P4HA1: variants seen among roughly 807,000 people sequenced by gnomAD.
P4HA1 encodes the protein prolyl 4-hydroxylase subunit alpha 1.
In P4HA1, 24 loss-of-function variants were observed where a neutral mutation model predicts 72.8. That is an observed-to-expected ratio of 0.33 (90% CI 0.24 to 0.46). P4HA1 has a LOEUF of 0.46. Ranked by LOEUF, P4HA1 falls within the 20% of genes least tolerant of loss-of-function variation. The pLI is 1.00. For synonymous variants in P4HA1, 201 were observed against 218.8 expected (o/e 0.92, Z 0.72); for missense variants, 446 against 640.6 (o/e 0.70, Z 3.28).
At chr10:73,012,447 G>A (rs1054295140) in intron 12 of P4HA1, among the ~76,000 whole-genome samples, 4 of 152,194 alleles carry the variant, frequency 2.6e-5, no homozygotes, top group Admixed American at 1.3e-4. Flanking sequence ...TTTGTATACC[G>A]TACTAACCCT....
In P4HA1 at chr10:73,072,132, T is replaced by G; in HGVS notation, c.222A>C (p.Pro74=). Residue 74 remains proline, a synonymous_variant, in exon 4 of 15, where the codon CCA becomes CCC. Transcript: ENST00000394890. ...TTACTGGATGCCCAACAAATCCTTC[T>G]GGATCTTTTGTCGCTGTACTAGTTA... ...DRLTSTATKD[P]EGFVGHPVNA... 2 of 1,613,656 alleles carry G rather than the reference T, an allele frequency of 1.2e-6. No homozygotes were observed. Among genetic ancestry groups the G allele is most frequent in the Non-Finnish European group, 8.5e-7 (1 of 1,179,610 alleles).
intron 10 of P4HA1, among the ~76,000 whole-genome samples, chr10:73,027,957 G>A (rs1840330511): frequency 6.6e-6 from 1 of 152,024 alleles, no homozygotes; most frequent in African/African-American, 2.4e-5. Flanking sequence ...GCAGGAATCA[G>A]GACGATACCT....
chr10:73,058,085 G>A (rs1456834198), intron 5 of P4HA1, among the ~76,000 whole-genome samples: 1 of 92,384 alleles, frequency 1.1e-5, no homozygotes, highest in Non-Finnish European at 1.9e-5. Context: ...GCAAGACTCC[G>A]TCCAGAAAAA....
rs1840885714 is a variant in P4HA1 at position 73,047,176 on chromosome 10, G to C, written c.901-75C>G. The C allele has an allele frequency of 3.8e-6, 4 of 1,046,376 alleles. No individual in the cohort carries two copies. The Admixed American group carries it at 6.3e-5, about 16-fold the overall frequency. The allele number at this position is 1,046,376 out of a possible 1,614,324, so 64.8% of individuals were successfully genotyped here. On this transcript the variant is annotated intron_variant, in intron 7 of 14. Coordinates refer to ENST00000394890, the MANE Select transcript of P4HA1 (RefSeq NM_001017962.3). Reference sequence around the variant, plus strand: ...TTAATATCTATTCCTATGCAGATAAGAGACAATAATCATGCTTGCATATAC... The same window carrying C: ...TTAATATCTATTCCTATGCAGATAACAGACAATAATCATGCTTGCATATAC...
chr10:73,083,817 T>C (rs1289119468), intron 1 of P4HA1, among the ~76,000 whole-genome samples: 1 of 152,194 alleles, frequency 6.6e-6, no homozygotes, highest in Non-Finnish European at 1.5e-5. Context: ...TGCCTACATA[T>C]GTAACAGGTT....
chr10:73,066,994 A>C (rs186347303), intron 5 of P4HA1, among the ~76,000 whole-genome samples: 1 of 152,212 alleles, frequency 6.6e-6, no homozygotes, highest in East Asian at 1.9e-4. Context: ...CAGCCTCCCA[A>C]ATAGCTAGGA....
At chr10:73,068,782 T>C in intron 5 of P4HA1, 64 bp downstream of exon 5, 1 of 1,289,846 alleles carries the variant, frequency 7.8e-7, no homozygotes, top group Non-Finnish European at 1.1e-6. Context: ...ACTAACATTG[T>C]GTTAATGGAC....
At chr10:73,060,296 T>C (rs1841283843) in intron 5 of P4HA1, among the ~76,000 whole-genome samples, 1 of 152,238 alleles carries the variant, frequency 6.6e-6, no homozygotes, top group African/African-American at 2.4e-5. Flanking sequence ...CCTGTGGTTT[T>C]CAATTTGAAC....
chr10:73,056,494 T>C (rs1440502279), intron 5 of P4HA1, among the ~76,000 whole-genome samples: 1 of 151,776 alleles, frequency 6.6e-6, no homozygotes, highest in Non-Finnish European at 1.5e-5. Flanking sequence ...CAGCCAGGCA[T>C]GGTGGCGGGT....
In P4HA1 at chr10:73,053,502, T is replaced by C; in HGVS notation, c.552A>G (p.Glu184=). The change falls in exon 6 of 15, where the codon GAA becomes GAG. Residue 184 remains glutamate (E), a synonymous_variant. Coordinates refer to ENST00000394890, the MANE Select transcript of P4HA1 (RefSeq NM_001017962.3). ...GCCTTAGGGCTTGTTCCATCCACAG[T>C]TCCGTATGGTAATAATCTGCTTCTG... ...AYTEADYYHT[E]LWMEQALRQL... is the part of the protein sequence containing the mutation. 6.2e-7 allele frequency: 1 copy of C among 1,614,082 alleles called. No homozygotes were observed. Among genetic ancestry groups the C allele is most frequent in the Non-Finnish European group, 8.5e-7 (1 of 1,179,948 alleles).
intron 5 of P4HA1, among the ~76,000 whole-genome samples, chr10:73,062,788 T>C (rs1234796981): frequency 6.6e-6 from 1 of 152,138 alleles, no homozygotes; most frequent in East Asian, 1.9e-4. Context: ...CAAAAGGAAG[T>C]AAAGTTATGG....
At chr10:73,009,201 T>C (rs147890903) in intron 14 of P4HA1, among the ~76,000 whole-genome samples, 279 of 152,328 alleles carry the variant, frequency 1.8e-3, no homozygotes, top group Non-Finnish European at 2.8e-3. Context: ...ATGTGGCTAG[T>C]AACACAGATT....
rs1166048011 is a variant in P4HA1 at position 73,068,892 on chromosome 10, A to G, written c.417T>C (p.Asp139=). The change falls in exon 5 of 15, where the codon GAT becomes GAC. Residue 139 remains aspartate, a synonymous_variant. Transcript: ENST00000394890. ...TGGTATCTGTATCCAAATTGTAGGT[A>G]TCCTGGAGACGTAACAGAGCTTTGG... The part of the protein sequence containing the change: ...GAAKALLRLQ[D]TYNLDTDTIS... 2 of 1,612,342 alleles carry G rather than the reference A, an allele frequency of 1.2e-6. No individual in the cohort carries two copies. Among genetic ancestry groups the G allele is most frequent in the African/African-American group, 2.7e-5 (2 of 74,874 alleles).
intron 1 of P4HA1, among the ~76,000 whole-genome samples, chr10:73,075,297 C>A (rs1589622280): frequency 6.6e-6 from 1 of 152,044 alleles, no homozygotes; most frequent in Non-Finnish European, 1.5e-5. Context: ...TTAGCAGAGA[C>A]AAGGTTTTGC....
intron 1 of P4HA1, among the ~76,000 whole-genome samples, chr10:73,076,218 T>G (rs1022809936): frequency 1.3e-5 from 2 of 152,184 alleles, no homozygotes; most frequent in African/African-American, 2.4e-5. Context: ...GACACTGTTC[T>G]CTTGGTTTGA....
chr10:73,093,883 TATATATATATATATATATATATATAC>T (rs1281793427), intron 1 of P4HA1, among the ~76,000 whole-genome samples: 24 of 66,468 alleles, frequency 3.6e-4, no homozygotes, highest in South Asian at 1.2e-3. Context: ...AATATATATA[TATATATATATATATATATATATATAC>T]ACACACACAC....
At position 73,008,019 on chromosome 10, in the gene P4HA1, T is replaced by TTACA. The variant is rs59316469; in HGVS notation, c.*202_*203insTGTA. 50,150 of 372,912 alleles carry TTACA rather than the reference T, an allele frequency of 0.13. 5,308 individuals are homozygous for TTACA. Among genetic ancestry groups the TTACA allele is most frequent in the African/African-American group, 0.42 (17,087 of 40,902 alleles). 23.1% of individuals were successfully genotyped at this position (372,912 alleles called of 1,614,324 possible). On this transcript the variant is annotated 3_prime_UTR_variant, in exon 15 of 15. Coordinates refer to ENST00000394890, the MANE Select transcript of P4HA1 (RefSeq NM_001017962.3). Reference sequence around the variant, plus strand: ...GTGATACCAACAGAACTTTAAGGTTTTATGCAATATGATGATTTCGTGTTA... The same window carrying TTACA: ...GTGATACCAACAGAACTTTAAGGTTTTACATATGCAATATGATGATTTCGTGTTA...
In P4HA1 at chr10:73,068,997, A is replaced by C. The variant is rs1303701217; in HGVS notation, c.326-14T>G. On this transcript the variant is annotated splice_polypyrimidine_tract_variant and intron_variant, in intron 4 of 14. Coordinates refer to ENST00000394890, the MANE Select transcript of P4HA1 (RefSeq NM_001017962.3). ...TAGAGATAAAGCCTTGAAATAGATA[A>C]ATCAAAGAAAAAAAAACTGTAGAAC... is the stretch of plus-strand genomic sequence containing the variant. The C allele has an allele frequency of 1.3e-6, 2 of 1,589,810 alleles. No individual in the cohort carries two copies. The highest frequency in any genetic ancestry group is 3.5e-5 in the Admixed American group (2 of 56,904).
chr10:73,045,873 C>CAAA (rs537895197), intron 8 of P4HA1, among the ~76,000 whole-genome samples: 9,196 of 112,218 alleles, frequency 0.082, 459 homozygotes, highest in East Asian at 0.32. Flanking sequence ...AATCTTTGGC[C>CAAA]AAAAAAAAAA....
Sources: allele counts gnomAD v4.1 joint callset (sites outside exome capture counted in the v4.1 genomes callset), GRCh38; gene constraint gnomAD v4.1.1; transcripts MANE v1.5; gene names NCBI Gene and HGNC (gene_info 2026-07-23, HGNC 2026-07-21).